The following AGBL1 variants were observed in gnomAD, a reference collection of about 807,000 sequenced individuals.
The protein encoded by AGBL1 is AGBL carboxypeptidase 1.
A neutral mutation model predicts 118.9 loss-of-function variants in AGBL1; 130 were observed. That is an observed-to-expected ratio of 1.09 (90% CI 0.95 to 1.26). The LOEUF (loss-of-function observed/expected upper bound fraction) is 1.26. Among genes scored for constraint, AGBL1 ranks in the 50% most tolerant of loss-of-function variants. AGBL1 has a pLI of 0.00. For synonymous variants in AGBL1, 555 were observed against 478.9 expected (o/e 1.16, Z -2.08); for missense variants, 1,584 against 1,298.1 (o/e 1.22, Z -3.38).
At chr15:86,922,380 T>G (rs1212231833) in intron 23 of AGBL1, among the ~76,000 whole-genome samples, 2 of 152,218 alleles carry the variant, frequency 1.3e-5, no homozygotes. Flanking sequence ...AACCTCCGCC[T>G]CCTGGGTTCA....
intron 21 of AGBL1, among the ~76,000 whole-genome samples, chr15:86,654,503 C>T (rs2085430902): frequency 6.6e-6 from 1 of 152,158 alleles, no homozygotes; most frequent in South Asian, 2.1e-4. Context: ...TATGCAATGT[C>T]TCATCCTTGA....
At chr15:86,366,159 CTGTAA>C (rs2080884448) in intron 17 of AGBL1, among the ~76,000 whole-genome samples, 1 of 152,072 alleles carries the variant, frequency 6.6e-6, no homozygotes, top group East Asian at 1.9e-4. Flanking sequence ...CTAGAAAAGG[CTGTAA>C]CACAATCCTC....
chr15:86,775,615 T>A (rs1456437724), intron 22 of AGBL1, among the ~76,000 whole-genome samples: 3 of 152,112 alleles, frequency 2.0e-5, no homozygotes, highest in Non-Finnish European at 4.4e-5. Flanking sequence ...AAAGACTTAG[T>A]ACAGGTTAAG....
intron 24 of AGBL1, among the ~76,000 whole-genome samples, chr15:87,015,248 T>TAAGCC (rs2081597954): frequency 6.6e-6 from 1 of 152,144 alleles, no homozygotes; most frequent in Non-Finnish European, 1.5e-5. Flanking sequence ...GGACTTATTC[T>TAAGCC]AAGCCCTGCT....
intron 21 of AGBL1, among the ~76,000 whole-genome samples, chr15:86,586,726 A>C (rs1345777654): frequency 6.6e-6 from 1 of 152,170 alleles, no homozygotes; most frequent in African/African-American, 2.4e-5. Flanking sequence ...GTTTGGTCTG[A>C]AAAGGCAGGC....
At chr15:87,013,641 A>G (rs1321214615) in intron 24 of AGBL1, among the ~76,000 whole-genome samples, 1 of 152,094 alleles carries the variant, frequency 6.6e-6, no homozygotes, top group Non-Finnish European at 1.5e-5. Context: ...TAGACACTTG[A>G]TCTGGGTCCA....
At chr15:86,087,788 G>A (rs568903860) in intron 1 of AGBL1, among the ~76,000 whole-genome samples, 1 of 152,320 alleles carries the variant, frequency 6.6e-6, no homozygotes, top group African/African-American at 2.4e-5. Context: ...ACCAGCAGAA[G>A]TGCCCTCACC....
At chr15:86,562,107 C>T (rs546460083) in intron 21 of AGBL1, among the ~76,000 whole-genome samples, 2 of 152,306 alleles carry the variant, frequency 1.3e-5, no homozygotes, top group African/African-American at 2.4e-5. Flanking sequence ...CAAACAGGGA[C>T]AATTTGACTT....
intron 18 of AGBL1, among the ~76,000 whole-genome samples, chr15:86,443,798 A>T (rs527876264): frequency 6.6e-6 from 1 of 152,330 alleles, no homozygotes; most frequent in East Asian, 1.9e-4. Context: ...TTTATGACTG[A>T]ATAGTATTCC....
chr15:86,936,360 C>A (rs1478080649), intron 23 of AGBL1, among the ~76,000 whole-genome samples: 1 of 151,998 alleles, frequency 6.6e-6, no homozygotes, highest in Admixed American at 6.6e-5. Flanking sequence ...ACAGGAAGTG[C>A]TAGTCATCTA....
chr15:86,122,192 G>C (rs1000163428), intron 1 of AGBL1, among the ~76,000 whole-genome samples: 1 of 152,138 alleles, frequency 6.6e-6, no homozygotes, highest in Non-Finnish European at 1.5e-5. Flanking sequence ...TTCCCGACAT[G>C]GTCACAGGAG....
intron 5 of AGBL1, among the ~76,000 whole-genome samples, chr15:86,177,331 A>G (rs1317805462): frequency 6.6e-6 from 1 of 152,222 alleles, no homozygotes; most frequent in Non-Finnish European, 1.5e-5. Context: ...AAAAATAGAT[A>G]GATCCATGAC....
chr15:86,559,469 A>AT (rs1402499412), intron 21 of AGBL1, among the ~76,000 whole-genome samples: 2 of 152,042 alleles, frequency 1.3e-5, no homozygotes, highest in Non-Finnish European at 2.9e-5. Context: ...AAAGTTTCAG[A>AT]TTTTCTTGGA....
intron 21 of AGBL1, among the ~76,000 whole-genome samples, chr15:86,648,660 T>A (rs1489932839): frequency 6.6e-6 from 1 of 152,192 alleles, no homozygotes; most frequent in Non-Finnish European, 1.5e-5. Flanking sequence ...GACTTATTCC[T>A]GGGACCTTTG....
chr15:86,380,603 G>T (rs916432676), intron 17 of AGBL1, among the ~76,000 whole-genome samples: 1 of 133,958 alleles, frequency 7.5e-6, no homozygotes, highest in African/African-American at 3.1e-5. Context: ...ATATTCATCC[G>T]TCTGTGTCAT....
chr15:86,555,057 A>C (rs1383010843), intron 21 of AGBL1, among the ~76,000 whole-genome samples: 1 of 152,158 alleles, frequency 6.6e-6, no homozygotes, highest in African/African-American at 2.4e-5. Context: ...TCCCAGAATG[A>C]GTGGGTTTTG....
intron 17 of AGBL1, among the ~76,000 whole-genome samples, chr15:86,306,728 T>G (rs1377678715): frequency 6.6e-6 from 1 of 152,212 alleles, no homozygotes; most frequent in Non-Finnish European, 1.5e-5. Flanking sequence ...TTTAGTTTTT[T>G]GAGGAACTTC....
At chr15:86,801,572 C>A (rs944575270) in intron 22 of AGBL1, among the ~76,000 whole-genome samples, 2 of 152,052 alleles carry the variant, frequency 1.3e-5, no homozygotes, top group African/African-American at 4.8e-5. Context: ...ATACTACATT[C>A]CCAAGAACGT....
In AGBL1 at chr15:86,406,632, A is replaced by G. The variant is rs1228277030; in HGVS notation, c.2555+9086A>G. Among the ~76,000 whole-genome samples the G allele has an allele frequency of 2.0e-5, 3 of 152,242 alleles. No individual in the cohort carries two copies. In the South Asian group the frequency reaches 6.2e-4, roughly 32 times the overall value. On this transcript the variant is annotated intron_variant, in intron 18 of 22. Coordinates refer to ENST00000614907, the MANE Select transcript of AGBL1 (RefSeq NM_001386094.1). ...AGGCTCTTCCTGAATCAAGCTGCCC[A>G]GAGAAAAACATTATTAGCAAGTTGA...
Sources: allele counts gnomAD v4.1 joint callset (sites outside exome capture counted in the v4.1 genomes callset), GRCh38; gene constraint gnomAD v4.1.1; transcripts MANE v1.5; gene names NCBI Gene and HGNC (gene_info 2026-07-23, HGNC 2026-07-21).